The following EDEM3 variants were observed in gnomAD, a reference collection of about 807,000 sequenced individuals.
EDEM3 encodes the protein ER degradation-enhancing alpha-mannosidase-like protein 3.
A neutral mutation model predicts 110.2 loss-of-function variants in EDEM3; 60 were observed. The ratio of observed to expected loss-of-function variants is 0.54; its 90% CI spans 0.44 to 0.67. The LOEUF (loss-of-function observed/expected upper bound fraction) is 0.67, where lower values mean the gene tolerates loss of function less well. Among genes scored for constraint, EDEM3 ranks in the 30% least tolerant of loss-of-function variants. The pLI, the probability that EDEM3 is intolerant of heterozygous loss-of-function variation, is 0.00. For missense variants in EDEM3, 996 were observed against 1,121.0 expected (o/e 0.89, Z 1.59); for synonymous variants, 352 against 382.9 (o/e 0.92, Z 0.94).
At chr1:184,731,684 T>C (rs1418916447) in intron 6 of EDEM3, among the ~76,000 whole-genome samples, 1 of 152,222 alleles carries the variant, frequency 6.6e-6, no homozygotes, top group African/African-American at 2.4e-5. Context: ...AATTATATCT[T>C]CTACACAAAT....
intron 14 of EDEM3, 35 bp downstream of exon 14, chr1:184,712,396 TAA>T (rs1365060363): frequency 6.5e-7 from 1 of 1,539,850 alleles, no homozygotes; most frequent in Non-Finnish European, 8.7e-7. Context: ...CATGTAGAAA[TAA>T]AAAAGAGAAT....
chr1:184,749,619 A>T, intron 1 of EDEM3, 27 bp from the exon 2 acceptor site: 17 of 420,854 alleles, frequency 4.0e-5, no homozygotes, highest in East Asian at 2.6e-4. Context: ...AGAAATGGAA[A>T]AAAAAAAAAA....
chr1:184,741,292 G>A (rs1194830772), intron 2 of EDEM3, among the ~76,000 whole-genome samples: 6 of 151,926 alleles, frequency 3.9e-5, no homozygotes, highest in Admixed American at 6.5e-5. Flanking sequence ...CCAGCTACTC[G>A]GGAGGCTGAG....
At chr1:184,724,097 T>C (rs1445350169) in intron 7 of EDEM3, among the ~76,000 whole-genome samples, 1 of 152,070 alleles carries the variant, frequency 6.6e-6, no homozygotes, top group Non-Finnish European at 1.5e-5. Context: ...AAGGCTCACT[T>C]TGATGGCTCA....
At chr1:184,732,610 C>G (rs1651590269) in intron 6 of EDEM3, among the ~76,000 whole-genome samples, 1 of 152,126 alleles carries the variant, frequency 6.6e-6, no homozygotes, top group Non-Finnish European at 1.5e-5. Context: ...TATGTACCCA[C>G]AGAAATCAGA....
chr1:184,706,787 T>G lies in EDEM3; in HGVS notation c.2059A>C (p.Ser687Arg). 2 of 1,613,710 alleles carry G rather than the reference T, an allele frequency of 1.2e-6. No homozygotes were observed. Among genetic ancestry groups the G allele is most frequent in the Non-Finnish European group, 1.7e-6 (2 of 1,179,796 alleles). Residue 687 changes from serine to arginine, a missense_variant, in exon 18 of 20, where the codon AGT (serine) becomes CGT (arginine). Ser to Arg is a moderately radical substitution (Grantham distance 110, BLOSUM62 -1). This residue lies in a region of EDEM3 where 345 missense variants were observed against 402.0 expected (regional missense o/e 0.86). Transcript: ENST00000318130. ...TCTGAACAACCATTGGATGGTTTAC[T>G]GCTTGCAACAAATCCTCTTGTCTGT... The part of the protein sequence containing the change: ...HKETRGFVAS[S>R]KPSNGCSELT...
At chr1:184,696,591 G>C (rs1649344640) in intron 19 of EDEM3, among the ~76,000 whole-genome samples, 1 of 151,798 alleles carries the variant, frequency 6.6e-6, no homozygotes, top group African/African-American at 2.4e-5. Flanking sequence ...TTCCGGAGGG[G>C]AGGATCAGCA....
At chr1:184,721,017 G>T (rs1259844604) in intron 9 of EDEM3, 1 of 300,628 alleles carries the variant, frequency 3.3e-6, no homozygotes, top group Non-Finnish European at 6.1e-6. Context: ...GTACAAACAA[G>T]ATTAGGTAAA....
chr1:184,712,669 A>G, intron 13 of EDEM3, 71 bp from the exon 14 acceptor site: 1 of 1,051,266 alleles, frequency 9.5e-7, no homozygotes. Flanking sequence ...TGAAAGCCAT[A>G]GAGTCAAGGT....
chr1:184,708,361 T>C lies in EDEM3; in HGVS notation c.1846-17A>G, dbSNP rs1650048410. ...ACTAGCAGCCTATGAAAAAAACAAA[T>C]TCATTTTATCCTTCCTTTCTGGAAA... On this transcript the variant is annotated splice_polypyrimidine_tract_variant and intron_variant, in intron 16 of 19. Coordinates refer to ENST00000318130, the MANE Select transcript of EDEM3 (RefSeq NM_025191.4). The C allele has an allele frequency of 6.2e-7, 1 of 1,609,616 alleles. No individual in the cohort carries two copies. Among genetic ancestry groups the C allele is most frequent in the Non-Finnish European group, 8.5e-7 (1 of 1,178,910 alleles).
rs952277860 is a variant in EDEM3, at chr1:184,744,963, T to G, written c.204+4584A>C. 5.3e-5 allele frequency among the ~76,000 whole-genome samples: 8 copies of G among 152,044 alleles called. No homozygotes were observed. In the South Asian group the frequency reaches 1.4e-3, roughly 28 times the overall value. On this transcript the variant is annotated intron_variant, in intron 2 of 19. Coordinates refer to ENST00000318130, the MANE Select transcript of EDEM3 (RefSeq NM_025191.4). ...AAACACAAATCAAGGTTGCTAGGCG[T>G]CAGAGGTGGGGAGAAGGAATTTACT...
chr1:184,746,093 C>T (rs1652414673), intron 2 of EDEM3, among the ~76,000 whole-genome samples: 1 of 152,162 alleles, frequency 6.6e-6, no homozygotes, highest in Non-Finnish European at 1.5e-5. Flanking sequence ...GTGCAATTCA[C>T]TGTGGGTAAA....
chr1:184,712,355 C>A, intron 14 of EDEM3, 78 bp downstream of exon 14: 1 of 1,292,466 alleles, frequency 7.7e-7, no homozygotes, highest in Admixed American at 2.6e-5. Flanking sequence ...GAATTCTACT[C>A]ATGGATTACT....
intron 19 of EDEM3, among the ~76,000 whole-genome samples, chr1:184,695,937 T>C (rs1649306579): frequency 6.6e-6 from 1 of 151,936 alleles, no homozygotes; most frequent in Admixed American, 6.6e-5. Context: ...CTTGGAAAAC[T>C]GAAAGGTCTC....
At chr1:184,747,946 T>C (rs986486645) in intron 2 of EDEM3, among the ~76,000 whole-genome samples, 2 of 152,220 alleles carry the variant, frequency 1.3e-5, no homozygotes, top group African/African-American at 4.8e-5. Flanking sequence ...TATCCAGCTA[T>C]ATGCTATTTT....
At chr1:184,703,129 T>G (rs1649720646) in intron 18 of EDEM3, 133 bp from the exon 19 acceptor site, 2 of 730,942 alleles carry the variant, frequency 2.7e-6, no homozygotes, top group Non-Finnish European at 4.1e-6. Context: ...CAACATAATT[T>G]TTGGACCCAT....
rs373536420 is a variant in EDEM3, at chr1:184,711,757, C to A, written c.1657G>T (p.Val553Leu). Reference sequence around the variant, plus strand: ...ATGCCTCTAGGACAGCTCTTATCCACCACATTTTTCAAGGGCTCACGAATA... The same window carrying A: ...ATGCCTCTAGGACAGCTCTTATCCAACACATTTTTCAAGGGCTCACGAATA... ...QSIREPLKNV[V>L]DKSCPRGIIR... is the part of the protein sequence containing the mutation. The change falls in exon 15 of 20, where the codon GTG becomes TTG. Residue 553 changes from valine to leucine, a missense_variant. Val to Leu is a conservative substitution (Grantham distance 32, BLOSUM62 1). Transcript: ENST00000318130. The A allele has an allele frequency of 1.9e-6, 3 of 1,612,932 alleles. No homozygotes were observed. Among genetic ancestry groups the A allele is most frequent in the East Asian group, 2.2e-5 (1 of 44,806 alleles).
chr1:184,703,142 A>C, intron 18 of EDEM3, 146 bp from the exon 19 acceptor site: 1 of 665,836 alleles, frequency 1.5e-6, no homozygotes. Flanking sequence ...GGACCCATTA[A>C]TTCTCATAGA....
chr1:184,726,449 AACT>A lies in EDEM3; in HGVS notation c.613-63_613-61del, dbSNP rs1321638010. 3.9e-5 allele frequency: 60 copies of A among 1,536,264 alleles called. No individual in the cohort carries two copies. The Middle Eastern group carries it at 5.3e-4, about 14-fold the overall frequency. On this transcript the variant is annotated intron_variant, in intron 6 of 19. Coordinates refer to ENST00000318130, the MANE Select transcript of EDEM3 (RefSeq NM_025191.4). ...TCAAGACAATGACCTTCTGATAAGA[AACT>A]ACTTTTCAATCAAGTCTTTGTATAA...
Sources: allele counts gnomAD v4.1 joint callset (sites outside exome capture counted in the v4.1 genomes callset), GRCh38; gene constraint gnomAD v4.1.1; regional missense constraint gnomAD v4.1.1; transcripts MANE v1.5; gene names NCBI Gene and HGNC (gene_info 2026-07-23, HGNC 2026-07-21).